CAND1: variants seen among roughly 807,000 people sequenced by gnomAD.
The protein encoded by CAND1 is cullin associated and neddylation dissociated 1, also known as cullin-associated NEDD8-dissociated protein 1.
Under a neutral mutation model 108.5 loss-of-function variants are expected in CAND1, and 7 were observed. The observed-to-expected ratio is 0.06, with a 90% CI of 0.04 to 0.12. The LOEUF is 0.12. Ranked by LOEUF, CAND1 falls within the 10% of genes least tolerant of loss-of-function variation. The pLI is 1.00. For missense variants in CAND1, 941 were observed against 1,448.7 expected (o/e 0.65, Z 5.69); for synonymous variants, 534 against 512.0 (o/e 1.04, Z -0.58).
In CAND1 at chr12:67,304,669, G is replaced by T; in HGVS notation, c.1358G>T (p.Cys453Phe). 6.2e-7 allele frequency: 1 copy of T among 1,613,920 alleles called. No homozygotes were observed. Among genetic ancestry groups the T allele is most frequent in the Non-Finnish European group, 8.5e-7 (1 of 1,179,932 alleles). ...GAAAAAAGTGTGAAGACCCGACAGTGTTGTTTTAACATGTTAACTGAGCTG... is the reference window on the plus strand; with the variant it reads ...GAAAAAAGTGTGAAGACCCGACAGTTTTGTTTTAACATGTTAACTGAGCTG... ...MKEKSVKTRQ[C>F]CFNMLTELVN... Residue 453 changes from cysteine (C) to phenylalanine (F), a missense_variant, in exon 9 of 15, where the codon TGT becomes TTT. By Grantham distance (205) the Cys-to-Phe change is radical. Transcript: ENST00000545606.
chr12:67,279,063 A>T (rs937450280), intron 1 of CAND1, among the ~76,000 whole-genome samples: 1 of 150,980 alleles, frequency 6.6e-6, no homozygotes, highest in African/African-American at 2.4e-5. Flanking sequence ...CGCCATTCCC[A>T]TTTTGACCTC....
chr12:67,283,818 T>A (rs2044642868), intron 2 of CAND1, among the ~76,000 whole-genome samples: 1 of 152,174 alleles, frequency 6.6e-6, no homozygotes, highest in South Asian at 2.1e-4. Context: ...GTATGTATCT[T>A]TACTCATTAG....
At chr12:67,270,382 G>C (rs977939760) in intron 1 of CAND1, 2 of 152,480 alleles carry the variant, frequency 1.3e-5, no homozygotes, top group Non-Finnish European at 2.9e-5. Context: ...GGGGAGCCAG[G>C]ATGGAGGAAA....
Position 67,273,270 on chromosome 12 carries a change from A to G in CAND1, c.68+3485A>G, listed in dbSNP as rs541116196. The stretch of plus-strand genomic sequence containing the variant: ...GTGTACTGAGACTTTTTGCCAGAAA[A>G]CATTTGTACCAGTGTATATAGTTAT... On this transcript the variant is annotated intron_variant, in intron 1 of 14. Transcript: ENST00000545606. Among the ~76,000 whole-genome samples, 3 of 152,222 alleles carry G rather than the reference A, an allele frequency of 2.0e-5. No homozygotes were observed. In the East Asian group the frequency reaches 5.8e-4, roughly 29 times the overall value.
chr12:67,297,504 A>G lies in CAND1; in HGVS notation c.589A>G (p.Ile197Val). The G allele has an allele frequency of 6.2e-7, 1 of 1,614,108 alleles. No individual in the cohort carries two copies. The highest frequency in any genetic ancestry group is 1.1e-5 in the South Asian group (1 of 91,080). ...PRLAVRKRTI[I>V]ALGHLVMSCG... ...ACTTGCAGTGAGGAAAAGAACCATT[A>G]TCGCTCTTGGCCATCTGGTTATGAG... is the stretch of plus-strand genomic sequence containing the variant. The change falls in exon 5 of 15, where the codon ATC becomes GTC. Residue 197 changes from isoleucine to valine, a missense_variant. This residue lies in a region of CAND1 where 697 missense variants were observed against 942.0 expected (regional missense o/e 0.74). Transcript: ENST00000545606.
chr12:67,292,084 C>T lies in CAND1; in HGVS notation c.213-538C>T, dbSNP rs139585242. 5.6e-3 allele frequency among the ~76,000 whole-genome samples: 853 copies of T among 152,136 alleles called. 8 individuals are homozygous for T. The highest frequency in any genetic ancestry group is 0.019 in the African/African-American group (799 of 41,510). ...GTTTCACCATGTTGGCCAGGCTGGT[C>T]TCGAACTCCTGGCCTCAAGTGATCC... is the stretch of plus-strand genomic sequence containing the variant. On this transcript the variant is annotated intron_variant, in intron 2 of 14. Coordinates refer to ENST00000545606, the MANE Select transcript of CAND1 (RefSeq NM_018448.5).
At chr12:67,297,937 A>G (rs777706162) in intron 6 of CAND1, 84 bp downstream of exon 6, 1 of 672,334 alleles carries the variant, frequency 1.5e-6, no homozygotes, top group East Asian at 2.7e-5. Context: ...GTGTGAGGAG[A>G]AGCGGCCTTT....
intron 11 of CAND1, 58 bp from the exon 12 acceptor site, chr12:67,309,843 T>G: frequency 8.8e-7 from 1 of 1,140,256 alleles, no homozygotes; most frequent in Non-Finnish European, 1.3e-6. Context: ...GAAAATATAA[T>G]GTATATTGTA....
At chr12:67,306,746 G>T (rs2044890705) in intron 10 of CAND1, 149 bp downstream of exon 10, 1 of 613,054 alleles carries the variant, frequency 1.6e-6, no homozygotes. Flanking sequence ...TTCGTAGTAT[G>T]GAGTGATATT....
intron 11 of CAND1, 140 bp from the exon 12 acceptor site, chr12:67,309,761 A>G (rs2044929093): frequency 3.5e-6 from 2 of 573,798 alleles, no homozygotes; most frequent in Non-Finnish European, 6.1e-6. Context: ...TTAGTGTTTC[A>G]TCAGGTTCTT....
In CAND1 at chr12:67,277,058, G is replaced by A. The variant is rs2135990814; in HGVS notation, c.69-4852G>A. ...ACATTAAGACTCTGGACAAGGATAT[G>A]TTAGCTGACTGTATTACCCAGTCTT... is the stretch of plus-strand genomic sequence containing the variant. On this transcript the variant is annotated intron_variant, in intron 1 of 14. Coordinates refer to ENST00000545606, the MANE Select transcript of CAND1 (RefSeq NM_018448.5). Among the ~76,000 whole-genome samples, 4 of 152,308 alleles carry A rather than the reference G, an allele frequency of 2.6e-5. No individual in the cohort carries two copies. The Middle Eastern group carries it at 0.014, about 518-fold the overall frequency.
Sources: gnomAD v4.1 joint callset for allele counts (sites outside exome capture counted in the v4.1 genomes callset) on GRCh38, gnomAD v4.1.1 for gene constraint, gnomAD v4.1.1 regional missense constraint, MANE v1.5 for transcripts, NCBI Gene and HGNC (gene_info 2026-07-23, HGNC 2026-07-21) for gene names.